SLC16A12: variants seen among roughly 807,000 people sequenced by gnomAD.
The protein encoded by SLC16A12 is monocarboxylate transporter 12.
A neutral mutation model predicts 42.4 loss-of-function variants in SLC16A12; 17 were observed. The ratio of observed to expected loss-of-function variants is 0.40; its 90% CI spans 0.27 to 0.60. SLC16A12 has a LOEUF of 0.60. Among genes scored for constraint, SLC16A12 ranks in the 20% least tolerant of loss-of-function variants. The probability of loss-of-function intolerance (pLI) is 0.42; values close to 1 mark genes in which losing one functional copy is unlikely to be tolerated. For missense variants in SLC16A12, 544 were observed against 623.0 expected (o/e 0.87, Z 1.35); for synonymous variants, 224 against 229.4 (o/e 0.98, Z 0.21).
chr10:89,436,035 T>A, intron 7 of SLC16A12, 25 bp downstream of exon 7: 1 of 1,613,270 alleles, frequency 6.2e-7, no homozygotes, highest in Non-Finnish European at 8.5e-7. Flanking sequence ...GAAAAGGTGG[T>A]TGGGGTTTCT....
chr10:89,534,057 A>G (rs1439937678), intron 2 of SLC16A12, among the ~76,000 whole-genome samples: 1 of 152,256 alleles, frequency 6.6e-6, no homozygotes, highest in Non-Finnish European at 1.5e-5. Context: ...TGTAACGTGA[A>G]GAGTTTGAAT....
chr10:89,511,628 T>C (rs553068293), intron 2 of SLC16A12, among the ~76,000 whole-genome samples: 25 of 152,172 alleles, frequency 1.6e-4, no homozygotes, highest in Non-Finnish European at 2.4e-4. Context: ...AAATACTTAA[T>C]GTAAATGACG....
chr10:89,499,488 A>C (rs537977440), intron 2 of SLC16A12, among the ~76,000 whole-genome samples: 6 of 152,322 alleles, frequency 3.9e-5, no homozygotes, highest in Admixed American at 3.9e-4. Context: ...TGGGAGGTGG[A>C]GGTTACGGTG....
At chr10:89,503,152 A>C (rs148115173) in intron 2 of SLC16A12, among the ~76,000 whole-genome samples, 5 of 152,362 alleles carry the variant, frequency 3.3e-5, no homozygotes, top group African/African-American at 1.2e-4. Flanking sequence ...AGTAAATTGT[A>C]AACACATCAG....
Position 89,534,644 on chromosome 10 carries a change from C to CAAAAAAAAAAAAAA in SLC16A12, c.-186-18_-186-5dup, listed in dbSNP as rs55935286. On this transcript the variant is annotated splice_region_variant and splice_polypyrimidine_tract_variant and intron_variant, in intron 1 of 7. Coordinates refer to ENST00000371790, the MANE Select transcript of SLC16A12 (RefSeq NM_213606.4). ...CCAATATGTCGAAATCCTGTATCTG[C>CAAAAAAAAAAAAAA]AAAAAAAAAAAAAAAAAAAAAAAAA... 7 of 52,276 alleles carry CAAAAAAAAAAAAAA rather than the reference C, an allele frequency of 1.3e-4. No individual in the cohort carries two copies. Among genetic ancestry groups the CAAAAAAAAAAAAAA allele is most frequent in the Non-Finnish European group, 1.8e-4 (6 of 32,904 alleles). 3.2% of individuals were successfully genotyped at this position (52,276 alleles called of 1,614,324 possible). A position where few individuals can be genotyped will look rare whatever the true frequency, so the allele number is the denominator to read the frequency against.
chr10:89,443,708 C>T lies in SLC16A12; in HGVS notation c.304+48G>A, dbSNP rs757989773. 9.2e-5 allele frequency: 118 copies of T among 1,281,712 alleles called. No homozygotes were observed. In the South Asian group the frequency reaches 1.2e-3, roughly 13 times the overall value. 79.4% of individuals were successfully genotyped at this position (1,281,712 alleles called of 1,614,324 possible). A position where few individuals can be genotyped will look rare whatever the true frequency, so the allele number is the denominator to read the frequency against. On this transcript the variant is annotated intron_variant, in intron 4 of 7. Coordinates refer to ENST00000371790, the MANE Select transcript of SLC16A12 (RefSeq NM_213606.4). ...GTCAGTGGAATGTCATTGTCATATA[C>T]AGTTCAAGAGTGGCCAGTAATTCCC...
chr10:89,493,913 G>A (rs111672453), intron 2 of SLC16A12, among the ~76,000 whole-genome samples: 2,887 of 152,160 alleles, frequency 0.019, 76 homozygotes, highest in African/African-American at 0.031. Context: ...AAAAAAAATC[G>A]ATCATCAGTT....
At chr10:89,467,307 T>C (rs1422764931) in intron 2 of SLC16A12, among the ~76,000 whole-genome samples, 1 of 152,206 alleles carries the variant, frequency 6.6e-6, no homozygotes, top group Non-Finnish European at 1.5e-5. Flanking sequence ...AGCAACATAA[T>C]GTGATGGATC....
At chr10:89,550,396 G>A (rs887061395) in intron 2 of SLC16A12, among the ~76,000 whole-genome samples, 14 of 152,150 alleles carry the variant, frequency 9.2e-5, no homozygotes, top group African/African-American at 3.1e-4. Flanking sequence ...GCAGGTGCCT[G>A]TAATCCCAGC....
chr10:89,529,330 A>G (rs902221198), intron 2 of SLC16A12, among the ~76,000 whole-genome samples: 1 of 152,148 alleles, frequency 6.6e-6, no homozygotes, highest in Admixed American at 6.5e-5. Flanking sequence ...CAAATAAACC[A>G]CAAAATGATT....
intron 3 of SLC16A12, among the ~76,000 whole-genome samples, chr10:89,446,287 C>G (rs1462800741): frequency 6.6e-6 from 1 of 151,968 alleles, no homozygotes; most frequent in Non-Finnish European, 1.5e-5. Context: ...AGAAGAGCAA[C>G]CCCAAGACAC....
intron 2 of SLC16A12, among the ~76,000 whole-genome samples, chr10:89,529,835 A>G (rs549125597): frequency 4.3e-4 from 65 of 152,338 alleles, no homozygotes; most frequent in African/African-American, 1.5e-3. Context: ...GGCATGAGCC[A>G]CTGCACCCGG....
At chr10:89,483,823 A>T (rs1250855657) in intron 2 of SLC16A12, among the ~76,000 whole-genome samples, 2 of 151,462 alleles carry the variant, frequency 1.3e-5, no homozygotes, top group Non-Finnish European at 2.9e-5. Flanking sequence ...ACTGTGTATT[A>T]TGCCTGTTCT....
At chr10:89,481,112 A>G (rs577301611) in intron 2 of SLC16A12, among the ~76,000 whole-genome samples, 4 of 152,312 alleles carry the variant, frequency 2.6e-5, no homozygotes, top group Admixed American at 2.0e-4. Flanking sequence ...ATGTTGGGAT[A>G]TTAACTCTAA....
rs1843795732 is a variant in SLC16A12, at chr10:89,554,461, C to T, written c.-47+1421G>A. Among the ~76,000 whole-genome samples, 5 of 152,216 alleles carry T rather than the reference C, an allele frequency of 3.3e-5. No individual in the cohort carries two copies. In the South Asian group the frequency reaches 1.0e-3, roughly 32 times the overall value. On this transcript the variant is annotated intron_variant, in intron 2 of 2. Coordinates refer to the SLC16A12 transcript ENST00000475682. ...ACAGGACAGGAGACCTCATCTACAT[C>T]ATCACTTTAGTTGTTGATCATGTTA...
In SLC16A12 at chr10:89,555,903, G is replaced by A. The variant is rs940037392; in HGVS notation, c.-68C>T. ...TTACCTCTGCATGCTGATGATCTGT[G>A]ATGCGGTCACGGCTTACAGCGCACC... On this transcript the variant is annotated 5_prime_UTR_variant, in exon 2 of 3. Coordinates refer to the SLC16A12 transcript ENST00000475682. The A allele has an allele frequency of 6.0e-4, 91 of 151,288 alleles. 1 individual carries two copies. The highest frequency in any genetic ancestry group is 2.1e-3 in the African/African-American group (87 of 41,140). The allele number at this position is 151,288 out of a possible 1,614,324, so 9.4% of individuals were successfully genotyped here. A position where few individuals can be genotyped will look rare whatever the true frequency, so the allele number is the denominator to read the frequency against.
At position 89,497,500 on chromosome 10, in the gene SLC16A12, G is replaced by A. The variant is rs193263514; in HGVS notation, c.-46-34876C>T. Among the ~76,000 whole-genome samples the A allele has an allele frequency of 1.1e-3, 163 of 152,270 alleles. 2 individuals are homozygous for A. Among genetic ancestry groups the A allele is most frequent in the Non-Finnish European group, 1.8e-4 (12 of 68,018 alleles). On this transcript the variant is annotated intron_variant, in intron 2 of 7. Coordinates refer to ENST00000371790, the MANE Select transcript of SLC16A12 (RefSeq NM_213606.4). ...TTTTCAAATGAAAAATAAAAGCACA[G>A]TGGTACAAAAGGATAACTGGAAAGC...
chr10:89,461,988 G>A (rs1842307593), intron 3 of SLC16A12, among the ~76,000 whole-genome samples: 1 of 152,284 alleles, frequency 6.6e-6, no homozygotes, highest in Non-Finnish European at 1.5e-5. Flanking sequence ...TTCTGGAGCT[G>A]CTTATGAAAA....
At chr10:89,449,181 C>T (rs1309904814) in intron 3 of SLC16A12, among the ~76,000 whole-genome samples, 3 of 152,164 alleles carry the variant, frequency 2.0e-5, no homozygotes, top group Non-Finnish European at 2.9e-5. Context: ...GGCCATACTG[C>T]CTGAAGTAAT....
Sources: gnomAD v4.1 joint callset for allele counts (sites outside exome capture counted in the v4.1 genomes callset) on GRCh38, gnomAD v4.1.1 for gene constraint, MANE v1.5 for transcripts, NCBI Gene and HGNC (gene_info 2026-07-23, HGNC 2026-07-21) for gene names.